Variants in MFN1 observed in about 807,000 individuals in gnomAD.
MFN1 encodes the protein mitofusin-1.
Under a neutral mutation model 92.4 loss-of-function variants are expected in MFN1, and 65 were observed. That is an observed-to-expected ratio of 0.70 (90% CI 0.58 to 0.86). MFN1 has a LOEUF of 0.86. Ranked by LOEUF, MFN1 falls within the 40% of genes least tolerant of loss-of-function variation. The pLI is 0.00. For missense variants in MFN1, 781 were observed against 868.0 expected (o/e 0.90, Z 1.26); for synonymous variants, 297 against 300.9 (o/e 0.99, Z 0.13).
chr3:179,351,908 A>G lies in MFN1; in HGVS notation c.121A>G (p.Lys41Glu), dbSNP rs990370410. The G allele has an allele frequency of 6.2e-6, 10 of 1,601,572 alleles. No homozygotes were observed. Among genetic ancestry groups the G allele is most frequent in the Non-Finnish European group, 7.7e-6 (9 of 1,171,792 alleles). Residue 41 changes from lysine to glutamate, a missense_variant, in exon 3 of 18, where the codon AAG becomes GAG. Transcript: ENST00000471841. ...CCATTTCAATTTTGCAGCAACATAT[A>G]AGAATCCGGAACTTGATCGAATAGC... ...EGSHFVEATY[K>E]NPELDRIATE... is the part of the protein sequence containing the mutation.
At position 179,386,476 on chromosome 3, in the gene MFN1, C is replaced by G; in HGVS notation, c.1859C>G (p.Thr620Ser). The G allele has an allele frequency of 6.2e-7, 1 of 1,613,682 alleles. No homozygotes were observed. The highest frequency in any genetic ancestry group is 8.5e-7 in the Non-Finnish European group (1 of 1,179,808). The change falls in exon 16 of 18, where the codon ACT becomes AGT. Residue 620 changes from threonine (T) to serine (S), a missense_variant. Coordinates refer to ENST00000471841, the MANE Select transcript of MFN1 (RefSeq NM_033540.3). ...TGGAAACTCCTATCTGTTTCATTAA[C>G]TATGTATGGAGCTTTGTATCTTTAT... ...IGWKLLSVSL[T>S]MYGALYLYER...
intron 3 of MFN1, among the ~76,000 whole-genome samples, chr3:179,357,984 C>G (rs1712408853): frequency 6.6e-6 from 1 of 152,086 alleles, no homozygotes; most frequent in Admixed American, 6.6e-5. Context: ...GAGCACTACT[C>G]AGAGCTCTCC....
At chr3:179,353,471 G>A (rs1055254005) in intron 3 of MFN1, among the ~76,000 whole-genome samples, 1 of 152,114 alleles carries the variant, frequency 6.6e-6, no homozygotes, top group Non-Finnish European at 1.5e-5. Context: ...GCCTCCCAAA[G>A]TGCTGGGATT....
Position 179,352,055 on chromosome 3 carries a change from T to C in MFN1, c.248+20T>C, listed in dbSNP as rs1712170796. The C allele has an allele frequency of 6.4e-7, 1 of 1,568,568 alleles. No homozygotes were observed. The highest frequency in any genetic ancestry group is 1.7e-5 in the Admixed American group (1 of 57,760). On this transcript the variant is annotated intron_variant, in intron 3 of 17. Coordinates refer to ENST00000471841, the MANE Select transcript of MFN1 (RefSeq NM_033540.3). ...TGGCAGGTAATTATTTATTATTACT[T>C]CTAAGATTAGTTTCCAGGAATCAGC...
chr3:179,385,706 T>C lies in MFN1; in HGVS notation c.1800T>C (p.Ile600=). The C allele has an allele frequency of 6.2e-7, 1 of 1,612,954 alleles. No homozygotes were observed. The highest frequency in any genetic ancestry group is 1.1e-5 in the South Asian group (1 of 90,750). The part of the protein sequence containing the change: ...SVTSRTSMGI[I]IVGGVIWKTI... ...CATCTAGAACTTCTATGGGCATCATTATTGTTGGAGGAGTGGTAAGAAACA... is the reference window on the plus strand; with the variant it reads ...CATCTAGAACTTCTATGGGCATCATCATTGTTGGAGGAGTGGTAAGAAACA... The change falls in exon 15 of 18, where the codon ATT becomes ATC. Residue 600 remains isoleucine (I), a synonymous_variant. Transcript: ENST00000471841.
rs760514921 is a variant in MFN1 at position 179,358,833 on chromosome 3, T to G, written c.249-7T>G. The G allele has an allele frequency of 6.2e-7, 1 of 1,602,720 alleles. No homozygotes were observed. The highest frequency in any genetic ancestry group is 1.1e-5 in the South Asian group (1 of 89,466). On this transcript the variant is annotated splice_polypyrimidine_tract_variant and splice_region_variant and intron_variant, in intron 3 of 17. Transcript: ENST00000471841. ...TTTTGTTTTTCATGATTTTGTATAT[T>G]CTTCAGGACAAGCAGTGGGAAGAGC...
intron 2 of MFN1, 89 bp from the exon 3 acceptor site, chr3:179,351,811 C>G: frequency 7.6e-7 from 1 of 1,319,918 alleles, no homozygotes; most frequent in Non-Finnish European, 1.0e-6. Flanking sequence ...TAACATAAAG[C>G]AAAAATACAT....
chr3:179,354,309 G>A (rs186027504), intron 3 of MFN1, among the ~76,000 whole-genome samples: 1 of 152,326 alleles, frequency 6.6e-6, no homozygotes, highest in Admixed American at 6.5e-5. Context: ...TTGAATTTAA[G>A]GTGTTACGAA....
intron 14 of MFN1, among the ~76,000 whole-genome samples, chr3:179,379,081 C>G (rs1012813313): frequency 1.3e-5 from 2 of 152,142 alleles, no homozygotes; most frequent in African/African-American, 4.8e-5. Flanking sequence ...AAAACGCAGG[C>G]ACACAACACA....
At position 179,348,908 on chromosome 3, in the gene MFN1, T is replaced by C. The variant is rs553817466; in HGVS notation, c.57T>C (p.Thr19=). The change falls in exon 2 of 18, where the codon ACT becomes ACC. Residue 19 remains threonine (T), a synonymous_variant. Coordinates refer to ENST00000471841, the MANE Select transcript of MFN1 (RefSeq NM_033540.3). ...TTGTGCTGGCTAAGAAGGCGATTAC[T>C]GCAATCTTTGACCAGTTACTGGAGT... ...KHFVLAKKAI[T]AIFDQLLEFV... 1.2e-6 allele frequency: 2 copies of C among 1,607,794 alleles called. No homozygotes were observed. The highest frequency in any genetic ancestry group is 2.2e-5 in the South Asian group (2 of 90,684).
chr3:179,369,260 G>T (rs1362796935), intron 9 of MFN1, among the ~76,000 whole-genome samples: 2 of 152,052 alleles, frequency 1.3e-5, no homozygotes, highest in African/African-American at 4.8e-5. Context: ...TATCCAGGCT[G>T]GAGTGCAGTT....
At chr3:179,355,287 G>C (rs1712306472) in intron 3 of MFN1, among the ~76,000 whole-genome samples, 1 of 152,116 alleles carries the variant, frequency 6.6e-6, no homozygotes, top group Admixed American at 6.6e-5. Context: ...TTTGTGACCT[G>C]TATATTGTGC....
At chr3:179,349,490 C>T (rs539538221) in intron 2 of MFN1, among the ~76,000 whole-genome samples, 2 of 151,650 alleles carry the variant, frequency 1.3e-5, no homozygotes, top group East Asian at 3.9e-4. Context: ...TGAGGAATGT[C>T]ATGTCTTACT....
chr3:179,378,151 G>C, intron 12 of MFN1, 190 bp from the exon 13 acceptor site: 1 of 572,190 alleles, frequency 1.7e-6, no homozygotes. Flanking sequence ...GTGAGCCTAG[G>C]AGGTCAAGGC....
chr3:179,366,980 T>C (rs1229253761), intron 7 of MFN1, among the ~76,000 whole-genome samples: 8 of 152,214 alleles, frequency 5.3e-5, no homozygotes, highest in Non-Finnish European at 1.2e-4. Flanking sequence ...CAGGCTGGAG[T>C]ACAGGGGCAC....
intron 8 of MFN1, among the ~76,000 whole-genome samples, 168 bp downstream of exon 8, chr3:179,367,760 T>C (rs939722091): frequency 2.0e-5 from 3 of 151,782 alleles, no homozygotes; most frequent in Admixed American, 6.6e-5. Flanking sequence ...CCATCTCTAC[T>C]AAAAATACAA....
chr3:179,349,055 G>A (rs1461251697), intron 2 of MFN1, 92 bp downstream of exon 2: 7 of 982,056 alleles, frequency 7.1e-6, no homozygotes, highest in Non-Finnish European at 1.1e-5. Flanking sequence ...ACATGTATAG[G>A]GCATTATACT....
At chr3:179,363,392 C>T (rs1443324800) in intron 5 of MFN1, among the ~76,000 whole-genome samples, 1 of 152,076 alleles carries the variant, frequency 6.6e-6, no homozygotes, top group Non-Finnish European at 1.5e-5. Flanking sequence ...GGCTGAATAA[C>T]AATTTAATTG....
At chr3:179,369,603 T>C (rs1032632759) in intron 9 of MFN1, among the ~76,000 whole-genome samples, 1 of 152,122 alleles carries the variant, frequency 6.6e-6, no homozygotes, top group Non-Finnish European at 1.5e-5. Flanking sequence ...GAATAAGATA[T>C]GCTGTAGGGA....
Sources: allele counts gnomAD v4.1 joint callset (sites outside exome capture counted in the v4.1 genomes callset), GRCh38; gene constraint gnomAD v4.1.1; transcripts MANE v1.5; gene names NCBI Gene and HGNC (gene_info 2026-07-23, HGNC 2026-07-21).